KCNJ6: variants seen among roughly 807,000 people sequenced by gnomAD.
The protein encoded by KCNJ6 is potassium inwardly rectifying channel subfamily J member 6.
In KCNJ6, 9 loss-of-function variants were observed where a neutral mutation model predicts 34.2. That is an observed-to-expected ratio of 0.26 (90% CI 0.16 to 0.46). The LOEUF is 0.46. Ranked by LOEUF, KCNJ6 falls within the 20% of genes least tolerant of loss-of-function variation. The probability of loss-of-function intolerance (pLI) is 1.00; values close to 1 mark genes in which losing one functional copy is unlikely to be tolerated. For missense variants in KCNJ6, 236 were observed against 531.3 expected (o/e 0.44, Z 5.46); for synonymous variants, 196 against 207.1 (o/e 0.95, Z 0.46).
intron 3 of KCNJ6, among the ~76,000 whole-genome samples, chr21:37,694,761 G>A (rs2054656787): frequency 6.6e-6 from 1 of 152,220 alleles, no homozygotes; most frequent in Admixed American, 6.5e-5. Context: ...TGTACTTAGA[G>A]GAGGTCCCAA....
intron 2 of KCNJ6, among the ~76,000 whole-genome samples, chr21:37,772,355 A>AACAC (rs142992347): frequency 9.3e-5 from 14 of 150,656 alleles, no homozygotes; most frequent in Middle Eastern, 3.2e-3. Flanking sequence ...CATTGATAGA[A>AACAC]ACACACACAC....
intron 2 of KCNJ6, among the ~76,000 whole-genome samples, chr21:37,750,944 G>A (rs1277484266): frequency 1.3e-5 from 2 of 152,152 alleles, no homozygotes; most frequent in African/African-American, 4.8e-5. Flanking sequence ...ACCTGAAATT[G>A]CTATCTGGTT....
In KCNJ6 at chr21:37,721,740, G is replaced by A. The variant is rs79221087; in HGVS notation, c.26-6609C>T. 5.1e-3 allele frequency among the ~76,000 whole-genome samples: 775 copies of A among 152,296 alleles called. 7 individuals carry two copies. Among genetic ancestry groups the A allele is most frequent in the African/African-American group, 0.018 (757 of 41,552 alleles). ...GCCTCATTGGAAATAGATTTCCGCC[G>A]GTTGGAAGTAAGTTAAAACACTGTG... On this transcript the variant is annotated intron_variant, in intron 2 of 3. Coordinates refer to ENST00000609713, the MANE Select transcript of KCNJ6 (RefSeq NM_002240.5).
intron 2 of KCNJ6, among the ~76,000 whole-genome samples, chr21:37,761,278 T>G (rs566821947): frequency 2.4e-4 from 35 of 144,662 alleles, no homozygotes; most frequent in African/African-American, 1.0e-3. Context: ...TGTGTGGTAG[T>G]GTAATGTGTG....
intron 3 of KCNJ6, among the ~76,000 whole-genome samples, chr21:37,629,916 A>C (rs2054326422): frequency 6.6e-6 from 1 of 152,132 alleles, no homozygotes; most frequent in Admixed American, 6.6e-5. Context: ...TTAAAAAAGG[A>C]TAAAAAAGAA....
In KCNJ6 at chr21:37,608,458, G is replaced by A. The variant is rs975903253; in HGVS notation, c.*16701C>T. The A allele has an allele frequency of 2.6e-5, 4 of 152,216 alleles. No homozygotes were observed. Among genetic ancestry groups the A allele is most frequent in the African/African-American group, 7.2e-5 (3 of 41,460 alleles). 9.4% of individuals were successfully genotyped at this position (152,216 alleles called of 1,614,324 possible). ...CAGGCATGAACCATTGTGCTTGCCT[G>A]CCCTTGGATCTCTGTCTCCAAAACC... On this transcript the variant is annotated 3_prime_UTR_variant, in exon 4 of 4. Transcript: ENST00000609713.
chr21:37,790,641 C>T (rs768586300), intron 2 of KCNJ6, among the ~76,000 whole-genome samples: 40 of 152,156 alleles, frequency 2.6e-4, no homozygotes, highest in Admixed American at 2.4e-3. Context: ...CAAAACCAAT[C>T]GATTTAGAAC....
At chr21:37,879,146 C>G (rs749549432) in intron 1 of KCNJ6, among the ~76,000 whole-genome samples, 1 of 152,138 alleles carries the variant, frequency 6.6e-6, no homozygotes, top group Non-Finnish European at 1.5e-5. Context: ...GAGCTGAGTA[C>G]TGAGTAATGG....
chr21:37,801,751 C>T (rs995851657), intron 2 of KCNJ6, among the ~76,000 whole-genome samples: 1 of 152,016 alleles, frequency 6.6e-6, no homozygotes, highest in African/African-American at 2.4e-5. Context: ...AAAAATCATC[C>T]TTATTGAAGT....
chr21:37,696,392 C>T (rs1373452849), intron 3 of KCNJ6, among the ~76,000 whole-genome samples: 1 of 152,180 alleles, frequency 6.6e-6, no homozygotes, highest in African/African-American at 2.4e-5. Flanking sequence ...GGGAGGGACA[C>T]AGCACCACTT....
chr21:37,695,060 T>A lies in KCNJ6; in HGVS notation c.946+19151A>T, dbSNP rs980061179. Among the ~76,000 whole-genome samples the A allele has an allele frequency of 2.0e-5, 3 of 152,174 alleles. No homozygotes were observed. The highest frequency in any genetic ancestry group is 4.4e-5 in the Non-Finnish European group (3 of 68,034). On this transcript the variant is annotated intron_variant, in intron 3 of 3. Transcript: ENST00000609713. This position sits in a 1 kb window ranked among gnomAD's most constrained non-coding sequence, Gnocchi z 4.2. ...TTATGGCAGCCTGAGCTGACTAATA[T>A]ACACAGCATATAACACAGCCAATTT...
chr21:37,851,313 C>A (rs181256800), intron 1 of KCNJ6, among the ~76,000 whole-genome samples: 3 of 152,130 alleles, frequency 2.0e-5, no homozygotes, highest in African/African-American at 7.2e-5. Flanking sequence ...TTGTTCCCTA[C>A]GCATGCAAAA....
chr21:37,898,743 T>C (rs2055802072), intron 1 of KCNJ6, among the ~76,000 whole-genome samples: 1 of 152,226 alleles, frequency 6.6e-6, no homozygotes, highest in African/African-American at 2.4e-5. Context: ...CCTTTCAGCC[T>C]CAGTATTTCC....
At chr21:37,761,313 G>A (rs189393684) in intron 2 of KCNJ6, among the ~76,000 whole-genome samples, 84 of 2,450 alleles carry the variant, frequency 0.034, no homozygotes, top group East Asian at 0.05. Context: ...TGTATGTGCT[G>A]TGTGTCTTGT....
At chr21:37,744,725 G>C (rs971691909) in intron 2 of KCNJ6, among the ~76,000 whole-genome samples, 3 of 152,176 alleles carry the variant, frequency 2.0e-5, no homozygotes, top group Admixed American at 2.0e-4. Context: ...TTCAAGTCTA[G>C]AGACCAGGCT....
chr21:37,778,785 C>A (rs1190327890), intron 2 of KCNJ6, among the ~76,000 whole-genome samples: 1 of 151,930 alleles, frequency 6.6e-6, no homozygotes, highest in African/African-American at 2.4e-5. Context: ...CCCTCCCTCC[C>A]CAGCATGTGT....
chr21:37,652,054 GTGAGGGGGGAAAAGAGATTAGTTAGAC>G (rs2054436269), intron 3 of KCNJ6, among the ~76,000 whole-genome samples: 1 of 152,168 alleles, frequency 6.6e-6, no homozygotes. Flanking sequence ...ATAGAATAGA[GTGAGGGGGGAAAAGAGATTAGTTAGAC>G]TGAACCTTGA....
chr21:37,894,566 G>A (rs948049301), intron 1 of KCNJ6, among the ~76,000 whole-genome samples: 5 of 152,176 alleles, frequency 3.3e-5, no homozygotes, highest in Admixed American at 2.0e-4. Context: ...TTGGGAGGCT[G>A]AGGCAGAGAA....
Position 37,620,406 on chromosome 21 carries a change from G to T in KCNJ6, c.*4753C>A, listed in dbSNP as rs1405684034. 6.6e-6 allele frequency: 1 copy of T among 152,156 alleles called. No homozygotes were observed. Among genetic ancestry groups the T allele is most frequent in the African/African-American group, 2.4e-5 (1 of 41,436 alleles). The allele number at this position is 152,156 out of a possible 1,614,324, so 9.4% of individuals were successfully genotyped here. A position where few individuals can be genotyped will look rare whatever the true frequency, so the allele number is the denominator to read the frequency against. ...GTGTTCCAATAAAACTTTGTTTGTG[G>T]ACATTGAAATTTGAATTTAGGATGA... On this transcript the variant is annotated 3_prime_UTR_variant, in exon 4 of 4. Transcript: ENST00000609713.
Sources: gnomAD v4.1 joint callset for allele counts (sites outside exome capture counted in the v4.1 genomes callset) on GRCh38, gnomAD v4.1.1 for gene constraint, Gnocchi (gnomAD v3.1) non-coding constraint, MANE v1.5 for transcripts, NCBI Gene and HGNC (gene_info 2026-07-23, HGNC 2026-07-21) for gene names.